NT5E: variants seen among roughly 807,000 people sequenced by gnomAD.
NT5E encodes 5'-nucleotidase ecto.
NT5E carries 53 observed loss-of-function variants against 55.1 expected under a neutral mutation model. The observed-to-expected ratio is 0.96, with a 90% CI of 0.77 to 1.21. The LOEUF (loss-of-function observed/expected upper bound fraction) is 1.21. NT5E is among the 50% of genes most tolerant of loss of function. The probability of loss-of-function intolerance (pLI) is 0.00; values close to 1 mark genes in which losing one functional copy is unlikely to be tolerated. For synonymous variants in NT5E, 270 were observed against 278.4 expected, an observed-to-expected ratio of 0.97 and a Z score of 0.30; for missense variants, 683 against 724.3, an observed-to-expected ratio of 0.94 and a Z score of 0.65.
intron 3 of NT5E, among the ~76,000 whole-genome samples, chr6:85,480,460 T>C (rs1311432311): frequency 1.3e-5 from 2 of 152,214 alleles, no homozygotes; most frequent in Non-Finnish European, 1.5e-5. Flanking sequence ...TGGTTGCTCC[T>C]CTGGTTGCTG....
At chr6:85,488,881 C>CTTTT (rs71679910) in intron 5 of NT5E, among the ~76,000 whole-genome samples, 2 of 102,708 alleles carry the variant, frequency 1.9e-5, no homozygotes, top group East Asian at 5.6e-4. Context: ...TATGCCTGGC[C>CTTTT]TTTTTTTTTT....
At chr6:85,489,052 C>T (rs1769728309) in intron 5 of NT5E, among the ~76,000 whole-genome samples, 1 of 152,192 alleles carries the variant, frequency 6.6e-6, no homozygotes, top group Non-Finnish European at 1.5e-5. Flanking sequence ...GAATCAGCTG[C>T]AGACATAGAC....
At chr6:85,469,349 A>G (rs972204801) in intron 2 of NT5E, among the ~76,000 whole-genome samples, 3 of 152,028 alleles carry the variant, frequency 2.0e-5, no homozygotes, top group Non-Finnish European at 4.4e-5. Flanking sequence ...CTCGACATTT[A>G]GTCATTCCCC....
intron 5 of NT5E, among the ~76,000 whole-genome samples, chr6:85,489,253 C>A (rs1769733169): frequency 6.6e-6 from 1 of 152,118 alleles, no homozygotes; most frequent in South Asian, 2.1e-4. Context: ...GCTAAGGCCA[C>A]CTGGCCTGAC....
chr6:85,453,229 G>A (rs574022791), intron 1 of NT5E, among the ~76,000 whole-genome samples: 9 of 152,160 alleles, frequency 5.9e-5, no homozygotes, highest in Non-Finnish European at 1.3e-4. Flanking sequence ...GACAGTATGC[G>A]CTTGGCCTGG....
At chr6:85,458,907 C>A (rs1279402707) in intron 1 of NT5E, among the ~76,000 whole-genome samples, 2 of 152,184 alleles carry the variant, frequency 1.3e-5, no homozygotes, top group Non-Finnish European at 2.9e-5. Flanking sequence ...TGGGTTGAAC[C>A]CCAGGGTGTT....
chr6:85,454,784 T>C (rs1210327438), intron 1 of NT5E, among the ~76,000 whole-genome samples: 2 of 152,218 alleles, frequency 1.3e-5, no homozygotes, highest in Non-Finnish European at 2.9e-5. Flanking sequence ...ACCACGGTTC[T>C]CTCTGCCTTT....
intron 5 of NT5E, among the ~76,000 whole-genome samples, chr6:85,488,583 AATTT>A (rs1178978153): frequency 5.9e-5 from 9 of 151,826 alleles, no homozygotes; most frequent in Admixed American, 3.3e-4. Flanking sequence ...TTAATTAATT[AATTT>A]ATTTATTTAT....
At chr6:85,473,805 A>G (rs1769371394) in intron 3 of NT5E, among the ~76,000 whole-genome samples, 1 of 152,218 alleles carries the variant, frequency 6.6e-6, no homozygotes, top group South Asian at 2.1e-4. Context: ...TTTAAATGGG[A>G]CGTGACCAAA....
chr6:85,450,183 C>G lies in NT5E; in HGVS notation c.44C>G (p.Ala15Gly), dbSNP rs780759467. ...AARAPATLLL[A>G]LGAVLWPAAG... The stretch of plus-strand genomic sequence containing the variant: ...CGGGCGCCCGCGACGCTACTCCTCG[C>G]CCTGGGCGCGGTGCTGTGGCCTGCG... The change falls in exon 1 of 9, where the codon GCC becomes GGC. Residue 15 changes from alanine (A) to glycine (G), a missense_variant. Physicochemically the swap from Ala to Gly is moderately conservative, Grantham distance 60. Transcript: ENST00000257770. This position sits in a 1 kb window ranked among gnomAD's most constrained non-coding sequence, Gnocchi z 4.0. The G allele has an allele frequency of 2.9e-5, 46 of 1,606,684 alleles. No homozygotes were observed. The highest frequency in any genetic ancestry group is 3.8e-5 in the Non-Finnish European group (45 of 1,177,878).
intron 3 of NT5E, among the ~76,000 whole-genome samples, chr6:85,474,533 A>G (rs1769386251): frequency 6.6e-6 from 1 of 152,252 alleles, no homozygotes; most frequent in South Asian, 2.1e-4. Flanking sequence ...GATAACTAAT[A>G]CTTAGTCATT....
intron 3 of NT5E, among the ~76,000 whole-genome samples, chr6:85,480,335 T>A (rs942346836): frequency 1.3e-5 from 2 of 152,226 alleles, no homozygotes; most frequent in East Asian, 3.8e-4. Flanking sequence ...AATTGAAGCA[T>A]GTGCAGAGTG....
At chr6:85,460,908 AAC>A (rs1162191514) in intron 1 of NT5E, among the ~76,000 whole-genome samples, 1 of 152,160 alleles carries the variant, frequency 6.6e-6, no homozygotes, top group Non-Finnish European at 1.5e-5. Context: ...TGCAGGAGGA[AAC>A]ACAGAGGTCA....
intron 1 of NT5E, among the ~76,000 whole-genome samples, chr6:85,465,660 A>G (rs1401199712): frequency 1.3e-5 from 2 of 152,202 alleles, no homozygotes; most frequent in African/African-American, 4.8e-5. Context: ...GCACAAACAC[A>G]TTCACATGAG....
intron 2 of NT5E, among the ~76,000 whole-genome samples, chr6:85,469,485 T>A (rs1769261902): frequency 6.6e-6 from 1 of 151,984 alleles, no homozygotes; most frequent in Non-Finnish European, 1.5e-5. Context: ...TGGTTTGGTA[T>A]GTCAGAAGGT....
chr6:85,483,570 CTTT>C (rs1218474539), intron 3 of NT5E, among the ~76,000 whole-genome samples: 4 of 152,162 alleles, frequency 2.6e-5, no homozygotes, highest in African/African-American at 9.7e-5. Flanking sequence ...GTTCCAAGAC[CTTT>C]TTCTTTTTTT....
At chr6:85,456,588 A>C (rs1768996188) in intron 1 of NT5E, among the ~76,000 whole-genome samples, 1 of 152,050 alleles carries the variant, frequency 6.6e-6, no homozygotes. Context: ...TGTGAGGAAA[A>C]ACCCTCCCAG....
At chr6:85,479,821 C>T (rs1769508844) in intron 3 of NT5E, among the ~76,000 whole-genome samples, 1 of 152,092 alleles carries the variant, frequency 6.6e-6, no homozygotes, top group Non-Finnish European at 1.5e-5. Context: ...CAGAAGGTAG[C>T]TGTGTTTCGA....
At chr6:85,464,795 A>C (rs372156734) in intron 1 of NT5E, among the ~76,000 whole-genome samples, 2 of 152,262 alleles carry the variant, frequency 1.3e-5, no homozygotes, top group African/African-American at 4.8e-5. Flanking sequence ...TGGAAACTGG[A>C]GCATTTAGGT....
Sources: allele counts gnomAD v4.1 joint callset (sites outside exome capture counted in the v4.1 genomes callset), GRCh38; gene constraint gnomAD v4.1.1; non-coding constraint Gnocchi (gnomAD v3.1); transcripts MANE v1.5; gene names NCBI Gene and HGNC (gene_info 2026-07-23, HGNC 2026-07-21).